ADPRHL1: variants seen among roughly 807,000 people sequenced by gnomAD.
ADPRHL1 encodes the protein ADP-ribosylhydrolase like 1.
In ADPRHL1, 43 loss-of-function variants were observed where a neutral mutation model predicts 44.1. That is an observed-to-expected ratio of 0.98 (90% CI 0.76 to 1.26). The LOEUF is 1.26. Among genes scored for constraint, ADPRHL1 ranks in the 50% most tolerant of loss-of-function variants. ADPRHL1 has a pLI of 0.00. For missense variants in ADPRHL1, 2,022 were observed against 2,496.9 expected (o/e 0.81, Z 4.05); for synonymous variants, 878 against 1,017.4 (o/e 0.86, Z 2.61).
At position 113,406,375 on chromosome 13, in the gene ADPRHL1, C is replaced by A; in HGVS notation, c.2907G>T (p.Arg969Ser). 8.2e-7 allele frequency: 1 copy of A among 1,213,176 alleles called. No homozygotes were observed. 75.2% of individuals were successfully genotyped at this position (1,213,176 alleles called of 1,614,324 possible). A position where few individuals can be genotyped will look rare whatever the true frequency, so the allele number is the denominator to read the frequency against. Residue 969 changes from arginine to serine, a missense_variant, in exon 8 of 8, where the codon AGG (arginine) becomes AGT (serine). By Grantham distance (110) the Arg-to-Ser change is moderately radical (BLOSUM62 -1). Transcript: ENST00000612156. ...KGSFENSHGP[R>S]NPDDISGERT... ...TCTCTCCTGAAATATCGTCAGGATT[C>A]CTGGGACCGTGTGAATTCTCAAAGC...
chr13:113,443,628 T>C (rs1182851942), intron 2 of ADPRHL1, among the ~76,000 whole-genome samples: 2 of 148,502 alleles, frequency 1.3e-5, no homozygotes, highest in East Asian at 4.0e-4. Flanking sequence ...ACAAAATAAA[T>C]AAATAAATAA....
chr13:113,453,113 A>G lies in ADPRHL1; in HGVS notation c.214+111T>C, dbSNP rs878993380. 1.7e-6 allele frequency: 2 copies of G among 1,176,036 alleles called. No individual in the cohort carries two copies. Among genetic ancestry groups the G allele is most frequent in the South Asian group, 2.8e-5 (2 of 71,564 alleles). 72.9% of individuals were successfully genotyped at this position (1,176,036 alleles called of 1,614,324 possible). Reference sequence around the variant, plus strand: ...TTTAGCAGCGGTATCAGGTAACACCATCCGCTGAAGGACCGCACTGCCTTC... The same window carrying G: ...TTTAGCAGCGGTATCAGGTAACACCGTCCGCTGAAGGACCGCACTGCCTTC... On this transcript the variant is annotated intron_variant, in intron 1 of 7. Coordinates refer to ENST00000612156, the MANE Select transcript of ADPRHL1 (RefSeq NM_001394807.1). The surrounding 1 kb of genome is among the most constrained non-coding windows in gnomAD (Gnocchi z 5.4).
In ADPRHL1 at chr13:113,404,848, C is replaced by T; in HGVS notation, c.4434G>A (p.Gly1478=). ...NPAVPPGEPE[G]PGSPAAQGQA... ...GTCCTTGGGCTGCCGGGCTTCCCGG[C>T]CCCTCGGGCTCCCCTGGAGGCACAG... The change falls in exon 8 of 8, where the codon GGG becomes GGA. Residue 1478 remains glycine (G), a synonymous_variant. Transcript: ENST00000612156. The T allele has an allele frequency of 2.4e-6, 3 of 1,248,386 alleles. No individual in the cohort carries two copies. Among genetic ancestry groups the T allele is most frequent in the African/African-American group, 1.5e-5 (1 of 64,642 alleles). The allele number at this position is 1,248,386 out of a possible 1,614,324, so 77.3% of individuals were successfully genotyped here.
rs748484938 is a variant in ADPRHL1 at position 113,433,828 on chromosome 13, C to A, written c.419G>T (p.Gly140Val). ...FGAATKAMCI[G>V]LRYWKPERLE... ...CCGCTCAGGCTTCCAGTACCGCAGG[C>A]CGATGCACATGGCCTTGGTGGCCGC... Residue 140 changes from glycine to valine, a missense_variant, in exon 3 of 8, where the codon GGC becomes GTC. Physicochemically the swap from Gly to Val is moderately radical, Grantham distance 109. Transcript: ENST00000612156. 3.2e-6 allele frequency: 5 copies of A among 1,576,130 alleles called. No homozygotes were observed. In the Admixed American group the frequency reaches 7.2e-5, roughly 23 times the overall value.
In ADPRHL1 at chr13:113,409,872, G is replaced by C. The variant is rs2043839045; in HGVS notation, c.1062-1652C>G. On this transcript the variant is annotated intron_variant, in intron 7 of 7. Transcript: ENST00000612156. The surrounding 1 kb of genome is among the most constrained non-coding windows in gnomAD (Gnocchi z 4.2). Reference sequence around the variant, plus strand: ...CCACTGCACTCCAGCCTGAGCGACAGAGCGAGACTCCGTCTCAAAAAAAAA... The same window carrying C: ...CCACTGCACTCCAGCCTGAGCGACACAGCGAGACTCCGTCTCAAAAAAAAA... 2.2e-6 allele frequency: 2 copies of C among 908,686 alleles called. No individual in the cohort carries two copies. The highest frequency in any genetic ancestry group is 1.0e-4 in the South Asian group (2 of 19,450). The allele number at this position is 908,686 out of a possible 1,614,324, so 56.3% of individuals were successfully genotyped here. A position where few individuals can be genotyped will look rare whatever the true frequency, so the allele number is the denominator to read the frequency against.
Position 113,405,632 on chromosome 13 carries a change from G to A in ADPRHL1, c.3650C>T (p.Ala1217Val), listed in dbSNP as rs1382136708. 2.4e-6 allele frequency: 3 copies of A among 1,232,776 alleles called. No individual in the cohort carries two copies. 76.4% of individuals were successfully genotyped at this position (1,232,776 alleles called of 1,614,324 possible). A position where few individuals can be genotyped will look rare whatever the true frequency, so the allele number is the denominator to read the frequency against. ...GGCCGCCTCTGGGTGCCGGGCGAGG[G>A]CCGCAGCATCCTCCGGGTGGCGGGC... ...TLARHPEDAA[A>V]LARHPEAARL... Residue 1217 changes from alanine (A) to valine (V), a missense_variant, in exon 8 of 8, where the codon GCC becomes GTC. Physicochemically the swap from Ala to Val is moderately conservative, Grantham distance 64 (BLOSUM62 0). Around this residue, in one of 8 missense-constraint regions of ADPRHL1, gnomAD observed 1,221 missense variants for 1,517.8 expected, o/e 0.80. Transcript: ENST00000612156.
At chr13:113,425,663 T>C (rs1165885261) in intron 4 of ADPRHL1, among the ~76,000 whole-genome samples, 1 of 149,578 alleles carries the variant, frequency 6.7e-6, no homozygotes, top group Non-Finnish European at 1.5e-5. Flanking sequence ...TGAGCCACCA[T>C]GCCCGGCCTC....
chr13:113,434,988 A>G (rs74648364), intron 2 of ADPRHL1, among the ~76,000 whole-genome samples: 52 of 109,216 alleles, frequency 4.8e-4, no homozygotes, highest in East Asian at 1.4e-3. Flanking sequence ...CCAGGTGTAG[A>G]GTGAACATAG....
chr13:113,434,570 T>G (rs2044033983), intron 2 of ADPRHL1, among the ~76,000 whole-genome samples: 2 of 141,016 alleles, frequency 1.4e-5, no homozygotes, highest in African/African-American at 5.4e-5. Context: ...AGGTGTAGAG[T>G]GAACACAGGT....
Position 113,451,730 on chromosome 13 carries a change from C to A in ADPRHL1, c.214+1494G>T, listed in dbSNP as rs1490740530. On this transcript the variant is annotated intron_variant, in intron 1 of 7. Transcript: ENST00000612156. ...GGCTGAGGCAGGAGAATCACTTGAA[C>A]CTGGGAGGTGGAGGTTGCAGTGAGC... Among the ~76,000 whole-genome samples the A allele has an allele frequency of 2.0e-5, 3 of 152,266 alleles. No homozygotes were observed. In the East Asian group the frequency reaches 5.8e-4, roughly 29 times the overall value.
At position 113,402,795 on chromosome 13, in the gene ADPRHL1, C is replaced by A. The variant is rs928576862; in HGVS notation, c.*583G>T. 6.6e-6 allele frequency: 1 copy of A among 152,564 alleles called. No homozygotes were observed. Among genetic ancestry groups the A allele is most frequent in the Non-Finnish European group, 1.5e-5 (1 of 68,276 alleles). 9.5% of individuals were successfully genotyped at this position (152,564 alleles called of 1,614,324 possible). ...TGGTGACCACCACATGGCCCAGCAGCCACACAGCACCCGGCACCCACCTGG... is the reference window on the plus strand; with the variant it reads ...TGGTGACCACCACATGGCCCAGCAGACACACAGCACCCGGCACCCACCTGG... On this transcript the variant is annotated 3_prime_UTR_variant, in exon 8 of 8. Coordinates refer to ENST00000612156, the MANE Select transcript of ADPRHL1 (RefSeq NM_001394807.1).
In ADPRHL1 at chr13:113,404,958, C is replaced by T. The variant is rs1184069316; in HGVS notation, c.4324G>A (p.Gly1442Ser). The T allele has an allele frequency of 2.4e-6, 3 of 1,236,802 alleles. No individual in the cohort carries two copies. The highest frequency in any genetic ancestry group is 3.0e-6 in the Non-Finnish European group (3 of 991,428). 76.6% of individuals were successfully genotyped at this position (1,236,802 alleles called of 1,614,324 possible). Residue 1442 changes from glycine (G) to serine (S), a missense_variant, in exon 8 of 8, where the codon GGT becomes AGT. Coordinates refer to ENST00000612156, the MANE Select transcript of ADPRHL1 (RefSeq NM_001394807.1). Reference protein sequence around the residue: ...VGGACQRSDQGQQHLQGPWEE... With the variant: ...VGGACQRSDQSQQHLQGPWEE... ...CAGGGTCCCTGCAGATGCTGCTGAC[C>T]TTGGTCACTGCGCTGGCAGGCGCCC...
intron 7 of ADPRHL1, among the ~76,000 whole-genome samples, chr13:113,415,348 A>G (rs940777555): frequency 6.6e-6 from 1 of 152,232 alleles, no homozygotes; most frequent in African/African-American, 2.4e-5. Context: ...AGTGGCCTCC[A>G]TGGCCCAGCT....
chr13:113,429,897 G>A (rs546940975), intron 3 of ADPRHL1, among the ~76,000 whole-genome samples: 1 of 152,352 alleles, frequency 6.6e-6, no homozygotes, highest in Admixed American at 6.5e-5. Flanking sequence ...TCTTTGGTAT[G>A]TCAAATTTTA....
Position 113,403,728 on chromosome 13 carries a change from T to A in ADPRHL1, c.5554A>T (p.Ser1852Cys). 5.7e-6 allele frequency: 7 copies of A among 1,232,224 alleles called. No individual in the cohort carries two copies. The highest frequency in any genetic ancestry group is 6.1e-6 in the Non-Finnish European group (6 of 988,414). The allele number at this position is 1,232,224 out of a possible 1,614,324, so 76.3% of individuals were successfully genotyped here. A position where few individuals can be genotyped will look rare whatever the true frequency, so the allele number is the denominator to read the frequency against. The change falls in exon 8 of 8, where the codon AGT (serine) becomes TGT (cysteine). Residue 1852 changes from serine to cysteine, a missense_variant. Physicochemically the swap from Ser to Cys is moderately radical, Grantham distance 112. Around this residue, in one of 8 missense-constraint regions of ADPRHL1, gnomAD observed 205 missense variants for 250.1 expected, o/e 0.82. Coordinates refer to ENST00000612156, the MANE Select transcript of ADPRHL1 (RefSeq NM_001394807.1). Reference protein sequence around the residue: ...APRDGGQSGGSGLGEPSAGYP... With the variant: ...APRDGGQSGGCGLGEPSAGYP... ...CCGGCGCTGGGCTCCCCCAGGCCAC[T>A]GCCCCCTGACTGTCCACCATCCCTG...
At chr13:113,444,958 G>A (rs998783621) in intron 1 of ADPRHL1, among the ~76,000 whole-genome samples, 1 of 152,134 alleles carries the variant, frequency 6.6e-6, no homozygotes, top group African/African-American at 2.4e-5. Context: ...CCATCTATGT[G>A]GCCACAAACA....
chr13:113,408,070 C>G lies in ADPRHL1; in HGVS notation c.1212G>C (p.Pro404=). Reference sequence around the variant, plus strand: ...GCCTGCTCCCCCCGGCCTCTGTCCCCGGGGGCCGGTCTGCGCGGCCCGTGA... The same window carrying G: ...GCCTGCTCCCCCCGGCCTCTGTCCCGGGGGGCCGGTCTGCGCGGCCCGTGA... ...LYVTGRADRP[P]GTEAGGSRPS... Residue 404 remains proline, a synonymous_variant, in exon 8 of 8, where the codon CCG becomes CCC. Transcript: ENST00000612156. The G allele has an allele frequency of 8.1e-7, 1 of 1,232,034 alleles. No individual in the cohort carries two copies. Among genetic ancestry groups the G allele is most frequent in the Non-Finnish European group, 1.0e-6 (1 of 987,974 alleles). 76.3% of individuals were successfully genotyped at this position (1,232,034 alleles called of 1,614,324 possible).
intron 7 of ADPRHL1, among the ~76,000 whole-genome samples, chr13:113,415,750 C>CAAAAGAAAA (rs2043884000): frequency 1.6e-5 from 1 of 63,070 alleles, no homozygotes; most frequent in Admixed American, 2.1e-4. Flanking sequence ...GACTCCATCT[C>CAAAAGAAAA]AAAAAAAAAA....
At chr13:113,421,285 CCCCGGGACACGCCCACT>C (rs1239121459) in intron 7 of ADPRHL1, among the ~76,000 whole-genome samples, 1 of 126,018 alleles carries the variant, frequency 7.9e-6, no homozygotes, top group Non-Finnish European at 1.7e-5. Flanking sequence ...ACACCTCTAC[CCCCGGGACACGCCCACT>C]CCCGGGACAC....
Sources: allele counts gnomAD v4.1 joint callset (sites outside exome capture counted in the v4.1 genomes callset), GRCh38; gene constraint gnomAD v4.1.1; regional missense constraint gnomAD v4.1.1; non-coding constraint Gnocchi (gnomAD v3.1); transcripts MANE v1.5; gene names NCBI Gene and HGNC (gene_info 2026-07-23, HGNC 2026-07-21).